The following TUSC3 variants were observed in gnomAD, a reference collection of about 807,000 sequenced individuals.
TUSC3 encodes the protein dolichyl-diphosphooligosaccharide--protein glycosyltransferase subunit TUSC3.
TUSC3 carries 45 observed loss-of-function variants against 44.8 expected under a neutral mutation model. That is an observed-to-expected ratio of 1.00 (90% CI 0.79 to 1.29). The LOEUF is 1.29. TUSC3 is among the 50% of genes most tolerant of loss of function. TUSC3 has a pLI of 0.00. For missense variants in TUSC3, 519 were observed against 437.9 expected (o/e 1.19, Z -1.65); for synonymous variants, 212 against 152.9 (o/e 1.39, Z -2.85).
the TUSC3 span, among the ~76,000 whole-genome samples, chr8:15,790,653 C>G: frequency 6.6e-6 from 1 of 152,118 alleles, no homozygotes; most frequent in African/African-American, 2.4e-5. Context: ...ACCTCACAAC[C>G]TCTACCTAGA....
At chr8:15,593,961 T>G (rs896868111) in intron 1 of TUSC3, among the ~76,000 whole-genome samples, 2 of 152,150 alleles carry the variant, frequency 1.3e-5, no homozygotes, top group African/African-American at 2.4e-5. Context: ...TCACTCTATG[T>G]CCCTGTCACT....
the TUSC3 span, among the ~76,000 whole-genome samples, chr8:15,776,101 A>G: frequency 6.6e-6 from 1 of 152,158 alleles, no homozygotes; most frequent in Non-Finnish European, 1.5e-5. Context: ...GCATCTTATC[A>G]TGACGGAGAG....
intron 1 of TUSC3, among the ~76,000 whole-genome samples, chr8:15,619,093 T>G (rs1805126477): frequency 1.3e-5 from 2 of 152,192 alleles, no homozygotes; most frequent in South Asian, 4.1e-4. Context: ...TACTTAAAAT[T>G]CAAAGAAAAA....
intron 2 of TUSC3, among the ~76,000 whole-genome samples, chr8:15,643,955 A>G (rs2129172788): frequency 6.6e-6 from 1 of 152,330 alleles, no homozygotes; most frequent in East Asian, 1.9e-4. Flanking sequence ...TTTTACGTAT[A>G]TAACTGTAAA....
intron 1 of TUSC3, among the ~76,000 whole-genome samples, chr8:15,546,793 C>T (rs1801883153): frequency 1.3e-5 from 2 of 151,616 alleles, no homozygotes; most frequent in Admixed American, 1.3e-4. Context: ...TCTCGGCCTC[C>T]CCAAAGTGCT....
intron 2 of TUSC3, among the ~76,000 whole-genome samples, chr8:15,637,535 T>G (rs149563786): frequency 0.012 from 1,896 of 152,328 alleles, 40 homozygotes; most frequent in African/African-American, 0.043. Context: ...TTGTTTCAGT[T>G]TTCTCTTCAT....
At chr8:15,430,946 C>T (rs994907569) in intron 1 of TUSC3, among the ~76,000 whole-genome samples, 1 of 151,728 alleles carries the variant, frequency 6.6e-6, no homozygotes, top group African/African-American at 2.4e-5. Context: ...GTTGACTGTC[C>T]TTTCCCCATT....
At chr8:15,553,416 T>C (rs937427255) in intron 1 of TUSC3, among the ~76,000 whole-genome samples, 1 of 151,018 alleles carries the variant, frequency 6.6e-6, no homozygotes, top group Non-Finnish European at 1.5e-5. Context: ...TAGAAGGAAA[T>C]GCAGCAGAAT....
At chr8:15,641,387 T>A (rs1160597470) in intron 2 of TUSC3, among the ~76,000 whole-genome samples, 1 of 148,358 alleles carries the variant, frequency 6.7e-6, no homozygotes, top group Non-Finnish European at 1.5e-5. Flanking sequence ...AAAGAAAAGT[T>A]GCATTGAGAA....
At chr8:15,454,534 A>G (rs539113529) in intron 1 of TUSC3, among the ~76,000 whole-genome samples, 99 of 152,246 alleles carry the variant, frequency 6.5e-4, no homozygotes, top group African/African-American at 2.1e-3. Flanking sequence ...TAATGTTCCA[A>G]CTAGTTTCCA....
chr8:15,665,115 A>T (rs1045709958), intron 5 of TUSC3, among the ~76,000 whole-genome samples: 1 of 151,646 alleles, frequency 6.6e-6, no homozygotes, highest in Non-Finnish European at 1.5e-5. Flanking sequence ...GTAAGGAAAA[A>T]AATGTATATT....
intron 6 of TUSC3, among the ~76,000 whole-genome samples, chr8:15,712,582 C>T (rs1401786457): frequency 6.6e-6 from 1 of 152,042 alleles, no homozygotes; most frequent in African/African-American, 2.4e-5. Context: ...CTCCAAAGGA[C>T]ACTAAGATTT....
At chr8:15,828,594 G>A in the TUSC3 span, among the ~76,000 whole-genome samples, 1 of 152,162 alleles carries the variant, frequency 6.6e-6, no homozygotes, top group Non-Finnish European at 1.5e-5. Context: ...AATTACAAAG[G>A]CATGCATCTA....
At chr8:15,549,983 T>G (rs553569383) in intron 1 of TUSC3, among the ~76,000 whole-genome samples, 1 of 151,768 alleles carries the variant, frequency 6.6e-6, no homozygotes, top group African/African-American at 2.4e-5. Context: ...TTTAAGGGCT[T>G]ACAACTCTAA....
At chr8:15,590,484 C>T (rs999707998) in intron 1 of TUSC3, among the ~76,000 whole-genome samples, 1 of 152,056 alleles carries the variant, frequency 6.6e-6, no homozygotes, top group East Asian at 1.9e-4. Flanking sequence ...AAAATAAATT[C>T]TTTCTTGCCA....
At chr8:15,827,088 T>C in the TUSC3 span, among the ~76,000 whole-genome samples, 1 of 152,156 alleles carries the variant, frequency 6.6e-6, no homozygotes, top group Non-Finnish European at 1.5e-5. Flanking sequence ...GCATCCTATT[T>C]CTAGTCTCTT....
At chr8:15,729,847 C>T (rs1409027432) in intron 6 of TUSC3, among the ~76,000 whole-genome samples, 1 of 151,620 alleles carries the variant, frequency 6.6e-6, no homozygotes, top group Non-Finnish European at 1.5e-5. Context: ...CACATGTACC[C>T]CCTGAAAAAG....
intron 6 of TUSC3, among the ~76,000 whole-genome samples, chr8:15,681,217 CCT>C (rs2129185695): frequency 1.7e-5 from 1 of 58,106 alleles, no homozygotes; most frequent in Admixed American, 1.4e-4. Context: ...ATTCCGTCCT[CCT>C]TTTTTTTTGG....
At chr8:15,486,374 G>T (rs563478018) in intron 2 of TUSC3, among the ~76,000 whole-genome samples, 4 of 152,250 alleles carry the variant, frequency 2.6e-5, no homozygotes, top group African/African-American at 9.6e-5. Context: ...CAAAATGACT[G>T]CTGGTACTTG....
Sources: gnomAD v4.1 joint callset for allele counts (sites outside exome capture counted in the v4.1 genomes callset) on GRCh38, gnomAD v4.1.1 for gene constraint, MANE v1.5 for transcripts, NCBI Gene and HGNC (gene_info 2026-07-23, HGNC 2026-07-21) for gene names.